The following HSD17B11 variants were observed in gnomAD, a reference collection of about 807,000 sequenced individuals.
HSD17B11 encodes estradiol 17-beta-dehydrogenase 11.
In HSD17B11, 22 loss-of-function variants were observed where a neutral mutation model predicts 27.8. That is an observed-to-expected ratio of 0.79 (90% CI 0.56 to 1.13). The LOEUF (loss-of-function observed/expected upper bound fraction) is 1.13, where lower values mean the gene tolerates loss of function less well. HSD17B11 is among the 50% of genes most tolerant of loss of function. The probability of loss-of-function intolerance (pLI) is 0.00; values close to 1 mark genes in which losing one functional copy is unlikely to be tolerated. For synonymous variants in HSD17B11, 117 were observed against 132.8 expected (o/e 0.88, Z 0.82); for missense variants, 314 against 351.1 (o/e 0.89, Z 0.84).
chr4:87,339,010 C>CT (rs57082498), intron 6 of HSD17B11, among the ~76,000 whole-genome samples: 1 of 152,142 alleles, frequency 6.6e-6, no homozygotes, highest in East Asian at 1.9e-4. Context: ...AGAGCACAAA[C>CT]TTTGAGTCTT....
chr4:87,391,001 T>G lies in HSD17B11; in HGVS notation c.70A>C (p.Lys24Gln). The G allele has an allele frequency of 6.2e-7, 1 of 1,614,084 alleles. No homozygotes were observed. Among genetic ancestry groups the G allele is most frequent in the Non-Finnish European group, 8.5e-7 (1 of 1,180,016 alleles). ...TTTCTCCTCTTAGGAATAAAAAGCT[T>G]CACGAAGGACTCTAGGGAGCAGACG... ...LIVCSLESFV[K>Q]LFIPKRRKSV... Residue 24 changes from lysine to glutamine, a missense_variant, in exon 1 of 7, where the codon AAG becomes CAG. Lys to Gln is a moderately conservative substitution (Grantham distance 53). Transcript: ENST00000358290.
In HSD17B11 at chr4:87,372,810, T is replaced by G; in HGVS notation, c.456A>C (p.Thr152=). ...TCGTCATTGCAGGAAGAAATGCCTT[T>G]GTAGTCTACAAATAGTTTTTATTAA... ...EVNVLAHFWT[T]KAFLPAMTKN... The change falls in exon 4 of 7, where the codon ACA becomes ACC. Residue 152 remains threonine, a synonymous_variant. Coordinates refer to ENST00000358290, the MANE Select transcript of HSD17B11 (RefSeq NM_016245.5). The G allele has an allele frequency of 6.3e-7, 1 of 1,597,572 alleles. No individual in the cohort carries two copies. Among genetic ancestry groups the G allele is most frequent in the Non-Finnish European group, 8.6e-7 (1 of 1,166,864 alleles).
chr4:87,374,902 T>TC (rs1735789540), intron 2 of HSD17B11, 72 bp from the exon 3 acceptor site: 2 of 1,190,358 alleles, frequency 1.7e-6, no homozygotes, highest in Non-Finnish European at 2.3e-6. Context: ...AATGGCTATT[T>TC]TTTTTTTTTG....
intron 4 of HSD17B11, among the ~76,000 whole-genome samples, chr4:87,364,605 C>G (rs539000569): frequency 6.6e-6 from 1 of 152,200 alleles, no homozygotes; most frequent in Non-Finnish European, 1.5e-5. Context: ...AGATGAGACT[C>G]TCATGAGGAT....
intron 1 of HSD17B11, 84 bp from the exon 2 acceptor site, chr4:87,382,446 T>A (rs1720200942): frequency 3.4e-6 from 3 of 871,410 alleles, no homozygotes; most frequent in Non-Finnish European, 3.6e-6. Context: ...AAATAATTTT[T>A]AAAAAGTAGT....
intron 4 of HSD17B11, among the ~76,000 whole-genome samples, chr4:87,361,869 T>C (rs1176299903): frequency 6.6e-6 from 1 of 152,206 alleles, no homozygotes; most frequent in Non-Finnish European, 1.5e-5. Flanking sequence ...TCGGGACCCC[T>C]TTCTGGTAAC....
chr4:87,346,293 G>A (rs955878122), intron 5 of HSD17B11, among the ~76,000 whole-genome samples: 1 of 152,206 alleles, frequency 6.6e-6, no homozygotes, highest in Admixed American at 6.5e-5. Context: ...ATAAGCATTT[G>A]TGTAATGCAG....
chr4:87,361,932 CT>C (rs1560762995), intron 4 of HSD17B11, among the ~76,000 whole-genome samples: 1 of 152,208 alleles, frequency 6.6e-6, no homozygotes, highest in Non-Finnish European at 1.5e-5. Context: ...GACCCTATGG[CT>C]ACCTTTGGGT....
chr4:87,377,100 C>T (rs1022147786), intron 2 of HSD17B11, among the ~76,000 whole-genome samples: 10 of 149,224 alleles, frequency 6.7e-5, no homozygotes, highest in African/African-American at 1.2e-4. Flanking sequence ...ATTGCACGCC[C>T]GCCTGGGTGA....
chr4:87,383,409 T>C (rs944189080), intron 1 of HSD17B11, among the ~76,000 whole-genome samples: 1 of 152,104 alleles, frequency 6.6e-6, no homozygotes, highest in African/African-American at 2.4e-5. Flanking sequence ...ATTCAGGTAA[T>C]AGATGACACA....
intron 4 of HSD17B11, among the ~76,000 whole-genome samples, chr4:87,359,137 C>T (rs1042852316): frequency 6.6e-6 from 1 of 152,134 alleles, no homozygotes; most frequent in African/African-American, 2.4e-5. Flanking sequence ...GCCTCCCCAG[C>T]CACGCAGAAC....
At chr4:87,380,069 C>T (rs972564231) in intron 2 of HSD17B11, among the ~76,000 whole-genome samples, 1 of 146,800 alleles carries the variant, frequency 6.8e-6, no homozygotes, top group African/African-American at 2.5e-5. Flanking sequence ...CAAGATCACG[C>T]CACTACACTC....
chr4:87,386,595 TC>T (rs1294312493), intron 1 of HSD17B11, among the ~76,000 whole-genome samples: 2 of 131,166 alleles, frequency 1.5e-5, no homozygotes, highest in African/African-American at 3.2e-5. Context: ...AAGCAGATCT[TC>T]AAAAAAAAAA....
At chr4:87,371,793 T>C (rs1303084199) in intron 4 of HSD17B11, among the ~76,000 whole-genome samples, 3 of 152,158 alleles carry the variant, frequency 2.0e-5, no homozygotes, top group Non-Finnish European at 4.4e-5. Context: ...TCACAGACTG[T>C]AGTAGTTCAG....
At chr4:87,359,403 T>G (rs1735463312) in intron 4 of HSD17B11, among the ~76,000 whole-genome samples, 1 of 152,210 alleles carries the variant, frequency 6.6e-6, no homozygotes, top group African/African-American at 2.4e-5. Flanking sequence ...ATCTGTCACT[T>G]AGGCTGGAGT....
At chr4:87,364,571 G>A (rs763307602) in intron 4 of HSD17B11, among the ~76,000 whole-genome samples, 10 of 152,174 alleles carry the variant, frequency 6.6e-5, no homozygotes, top group Non-Finnish European at 1.2e-4. Flanking sequence ...GGAAGATAAG[G>A]CAACATCCTC....
chr4:87,357,690 T>C (rs1207912093), intron 4 of HSD17B11, among the ~76,000 whole-genome samples: 2 of 152,104 alleles, frequency 1.3e-5, no homozygotes, highest in African/African-American at 4.8e-5. Flanking sequence ...TAAAGAAAAT[T>C]AGTAGAGTAT....
At chr4:87,378,175 A>G (rs924627315) in intron 2 of HSD17B11, among the ~76,000 whole-genome samples, 11 of 152,242 alleles carry the variant, frequency 7.2e-5, no homozygotes, top group African/African-American at 2.7e-4. Flanking sequence ...TTACGTTAGT[A>G]AAGTGTCAAG....
chr4:87,385,929 A>AG (rs1292736690), intron 1 of HSD17B11: 4 of 151,892 alleles, frequency 2.6e-5, no homozygotes, highest in Non-Finnish European at 4.4e-5. Context: ...AAAAAAAAAA[A>AG]AGTATATTGT....
Sources: gnomAD v4.1 joint callset for allele counts (sites outside exome capture counted in the v4.1 genomes callset) on GRCh38, gnomAD v4.1.1 for gene constraint, MANE v1.5 for transcripts, NCBI Gene and HGNC (gene_info 2026-07-23, HGNC 2026-07-21) for gene names.